Variants in DENND5A observed in about 807,000 individuals in gnomAD.
The protein encoded by DENND5A is DENN domain containing 5A.
Under a neutral mutation model 140.3 loss-of-function variants are expected in DENND5A, and 64 were observed. The observed-to-expected ratio is 0.46, with a 90% confidence interval of 0.37 to 0.56. The LOEUF is 0.56. Among genes scored for constraint, DENND5A ranks in the 20% least tolerant of loss-of-function variants. The pLI is 0.00. For synonymous variants in DENND5A, 605 were observed against 607.7 expected, an observed-to-expected ratio of 1.00 and a Z score of 0.07; for missense variants, 1,292 against 1,593.8, an observed-to-expected ratio of 0.81 and a Z score of 3.22.
chr11:9,192,137 C>T (rs1849147387), intron 5 of DENND5A, among the ~76,000 whole-genome samples: 1 of 152,078 alleles, frequency 6.6e-6, no homozygotes, highest in South Asian at 2.1e-4. Flanking sequence ...CATTTTGATT[C>T]TAAAACTAAA....
At chr11:9,168,279 A>G (rs1308524794) in intron 10 of DENND5A, among the ~76,000 whole-genome samples, 4 of 152,090 alleles carry the variant, frequency 2.6e-5, no homozygotes, top group African/African-American at 9.7e-5. Context: ...GTGATAGTGC[A>G]TAAGTCTCAT....
intron 4 of DENND5A, among the ~76,000 whole-genome samples, chr11:9,202,329 G>T (rs1193588809): frequency 2.0e-5 from 3 of 152,018 alleles, no homozygotes; most frequent in African/African-American, 7.3e-5. Flanking sequence ...CTCAATGTTA[G>T]GTTTTCCAAA....
Position 9,207,624 on chromosome 11 carries a change from G to T in DENND5A, c.118C>A (p.Gln40Lys), listed in dbSNP as rs1554925951. Reference sequence around the variant, plus strand: ...CTGGCTTTAGAAGCCTGTATGTACTGGCATAATGCTATATGATAAATGAAA... The same window carrying T: ...CTGGCTTTAGAAGCCTGTATGTACTTGCATAATGCTATATGATAAATGAAA... Reference protein sequence around the residue: ...LEPDELSALCQYIQASKARDG... With the variant: ...LEPDELSALCKYIQASKARDG... The change falls in exon 2 of 23, where the codon CAG becomes AAG. Residue 40 changes from glutamine (Q) to lysine (K), a missense_variant. Around this residue, in one of 4 missense-constraint regions of DENND5A, gnomAD observed 566 missense variants for 650.4 expected, o/e 0.87. Coordinates refer to ENST00000328194, the MANE Select transcript of DENND5A (RefSeq NM_015213.4). 1 of 1,608,206 alleles carries T rather than the reference G, an allele frequency of 6.2e-7. No homozygotes were observed. Among genetic ancestry groups the T allele is most frequent in the African/African-American group, 1.3e-5 (1 of 74,758 alleles).
At chr11:9,203,134 A>C (rs2136210477) in intron 4 of DENND5A, among the ~76,000 whole-genome samples, 1 of 152,360 alleles carries the variant, frequency 6.6e-6, no homozygotes, top group East Asian at 1.9e-4. Context: ...TCATTAAGTA[A>C]GCATCTGTTT....
At chr11:9,250,059 A>AAAT (rs1554935696) in intron 1 of DENND5A, among the ~76,000 whole-genome samples, 1 of 151,646 alleles carries the variant, frequency 6.6e-6, no homozygotes, top group Admixed American at 6.6e-5. Context: ...AAAAAAAAAA[A>AAAT]ATCCTTAAAA....
At chr11:9,241,734 G>C (rs187232237) in intron 1 of DENND5A, among the ~76,000 whole-genome samples, 2 of 152,288 alleles carry the variant, frequency 1.3e-5, no homozygotes, top group East Asian at 3.9e-4. Context: ...TACAACATCA[G>C]CTGGGCGCGG....
intron 4 of DENND5A, among the ~76,000 whole-genome samples, chr11:9,194,375 G>A (rs541010193): frequency 2.0e-5 from 3 of 152,192 alleles, no homozygotes; most frequent in African/African-American, 7.2e-5. Flanking sequence ...GACCAGACTG[G>A]CCAACCAACA....
rs553038269 is a variant in DENND5A at position 9,237,353 on chromosome 11, C to T, written c.109+27608G>A. ...GAGAATAGCTCTTGAACCCAGGAGGCAGAGGTTGCAGTGAGGCAAGATTGT... is the reference window on the plus strand; with the variant it reads ...GAGAATAGCTCTTGAACCCAGGAGGTAGAGGTTGCAGTGAGGCAAGATTGT... On this transcript the variant is annotated intron_variant, in intron 1 of 22. Coordinates refer to ENST00000328194, the MANE Select transcript of DENND5A (RefSeq NM_015213.4). Among the ~76,000 whole-genome samples, 3 of 151,960 alleles carry T rather than the reference C, an allele frequency of 2.0e-5. No individual in the cohort carries two copies. The East Asian group carries it at 5.9e-4, about 30-fold the overall frequency.
rs1849611011 is a variant in DENND5A at position 9,204,034 on chromosome 11, T to C, written c.575A>G (p.Asn192Ser). The C allele has an allele frequency of 1.9e-6, 3 of 1,613,794 alleles. No individual in the cohort carries two copies. The highest frequency in any genetic ancestry group is 1.7e-5 in the Admixed American group (1 of 59,970). Residue 192 changes from asparagine (N) to serine (S), a missense_variant, in exon 4 of 23, where the codon AAC becomes AGC. Coordinates refer to ENST00000328194, the MANE Select transcript of DENND5A (RefSeq NM_015213.4). ...AGTGTCCCGGCTAATGTCATAGGAG[T>C]TGAAGCGCTGCAGTTTGGTCACAGG... Reference protein sequence around the residue: ...DTPVTKLQRFNSYDISRDTLY... With the variant: ...DTPVTKLQRFSSYDISRDTLY...
intron 1 of DENND5A, among the ~76,000 whole-genome samples, chr11:9,221,396 ACTC>A (rs1240076568): frequency 1.3e-5 from 2 of 151,996 alleles, no homozygotes; most frequent in African/African-American, 2.4e-5. Context: ...GCGCCACCTC[ACTC>A]CAGCCTGGAT....
chr11:9,146,795 G>A (rs1246003898), intron 16 of DENND5A: 6 of 468,450 alleles, frequency 1.3e-5, no homozygotes, highest in East Asian at 3.8e-5. Context: ...GGACAACACC[G>A]ACAACACAAT....
At chr11:9,200,007 G>T (rs1387231517) in intron 4 of DENND5A, among the ~76,000 whole-genome samples, 1 of 152,106 alleles carries the variant, frequency 6.6e-6, no homozygotes, top group Non-Finnish European at 1.5e-5. Flanking sequence ...CCTGACTTTA[G>T]GTCCTAAGTT....
chr11:9,193,757 TAAAA>T (rs1287384537), intron 4 of DENND5A, 76 bp from the exon 5 acceptor site: 1 of 1,271,454 alleles, frequency 7.9e-7, no homozygotes, highest in East Asian at 2.4e-5. Context: ...AACAGTAAGT[TAAAA>T]CTTTCAGTAC....
At chr11:9,182,151 G>T (rs912664156) in intron 5 of DENND5A, among the ~76,000 whole-genome samples, 12 of 151,966 alleles carry the variant, frequency 7.9e-5, no homozygotes, top group Non-Finnish European at 1.6e-4. Context: ...CCCCATCTCT[G>T]CTAAAAGTAC....
chr11:9,177,495 A>AC (rs1454352506), intron 8 of DENND5A, among the ~76,000 whole-genome samples: 1 of 150,632 alleles, frequency 6.6e-6, no homozygotes, highest in African/African-American at 2.5e-5. Context: ...CAAAAAAAAA[A>AC]AATTTTTTAA....
rs116130668 is a variant in DENND5A at position 9,212,948 on chromosome 11, G to C, written c.110-5316C>G. ...AAGGGCAACCCCAAGAATTCTTATG[G>C]TGATGGAACTCTTTGATACCTTGAC... is the stretch of plus-strand genomic sequence containing the variant. On this transcript the variant is annotated intron_variant, in intron 1 of 22. Coordinates refer to ENST00000328194, the MANE Select transcript of DENND5A (RefSeq NM_015213.4). 1.1e-4 allele frequency among the ~76,000 whole-genome samples: 17 copies of C among 151,940 alleles called. No homozygotes were observed. In the East Asian group the frequency reaches 3.3e-3, roughly 29 times the overall value.
At chr11:9,170,072 C>A in intron 9 of DENND5A, 123 bp from the exon 10 acceptor site, 1 of 844,986 alleles carries the variant, frequency 1.2e-6, no homozygotes, top group Non-Finnish European at 1.9e-6. Context: ...ACCTAGATGT[C>A]ACCAGAGACA....
At chr11:9,160,000 T>C (rs561722766) in intron 12 of DENND5A, among the ~76,000 whole-genome samples, 1 of 152,334 alleles carries the variant, frequency 6.6e-6, no homozygotes, top group South Asian at 2.1e-4. Flanking sequence ...GCAAGAGATC[T>C]TGGTCTGTTT....
intron 4 of DENND5A, among the ~76,000 whole-genome samples, chr11:9,194,645 G>A (rs1220371029): frequency 6.6e-6 from 1 of 151,902 alleles, no homozygotes; most frequent in Non-Finnish European, 1.5e-5. Flanking sequence ...TCTTGTTATA[G>A]GTCAGAGATC....
Sources: gnomAD v4.1 joint callset for allele counts (sites outside exome capture counted in the v4.1 genomes callset) on GRCh38, gnomAD v4.1.1 for gene constraint, gnomAD v4.1.1 regional missense constraint, MANE v1.5 for transcripts, NCBI Gene and HGNC (gene_info 2026-07-23, HGNC 2026-07-21) for gene names.